RCSD1: variants seen among roughly 807,000 people sequenced by gnomAD.
RCSD1 encodes the protein capZ-interacting protein.
A neutral mutation model predicts 42.5 loss-of-function variants in RCSD1; 26 were observed. That is an observed-to-expected ratio of 0.61 (90% CI 0.45 to 0.85). The LOEUF (loss-of-function observed/expected upper bound fraction) is 0.85, where lower values mean the gene tolerates loss of function less well. Ranked by LOEUF, RCSD1 falls within the 40% of genes least tolerant of loss-of-function variation. RCSD1 has a pLI of 0.00. For missense variants in RCSD1, 571 were observed against 528.3 expected, an observed-to-expected ratio of 1.08 and a Z score of -0.79; for synonymous variants, 220 against 212.2, an observed-to-expected ratio of 1.04 and a Z score of -0.32.
intron 1 of RCSD1, among the ~76,000 whole-genome samples, chr1:167,673,892 A>G (rs1229350): frequency 0.81 from 123,339 of 152,160 alleles, 50,232 homozygotes; most frequent in Non-Finnish European, 0.87. Flanking sequence ...CTCTGCGTAA[A>G]CATCACTTCC....
At chr1:167,675,477 C>A (rs1237843884) in intron 1 of RCSD1, among the ~76,000 whole-genome samples, 2 of 152,216 alleles carry the variant, frequency 1.3e-5, no homozygotes, top group Non-Finnish European at 2.9e-5. Flanking sequence ...TCAATTACCT[C>A]CCACCTGGTC....
intron 3 of RCSD1, among the ~76,000 whole-genome samples, chr1:167,687,781 T>C (rs1404700061): frequency 6.6e-6 from 1 of 152,212 alleles, no homozygotes. Flanking sequence ...TCTGAGACAG[T>C]GGGGTCAGCC....
At chr1:167,652,531 C>G (rs887677954) in intron 1 of RCSD1, among the ~76,000 whole-genome samples, 1 of 152,216 alleles carries the variant, frequency 6.6e-6, no homozygotes, top group South Asian at 2.1e-4. Flanking sequence ...GACAGACCAA[C>G]AGTTGCTGCC....
chr1:167,698,921 TC>T (rs1659571811), intron 6 of RCSD1, among the ~76,000 whole-genome samples: 1 of 152,030 alleles, frequency 6.6e-6, no homozygotes, highest in African/African-American at 2.4e-5. Context: ...TGCCTCAGCC[TC>T]CCGAGTAGCT....
At chr1:167,663,751 G>C (rs1023906247) in intron 1 of RCSD1, 1 of 152,260 alleles carries the variant, frequency 6.6e-6, no homozygotes, top group African/African-American at 2.4e-5. Flanking sequence ...GCAACAGCCT[G>C]GTATCTCTAC....
chr1:167,630,341 CG>C lies in RCSD1; in HGVS notation c.-80del. 7.5e-7 allele frequency: 1 copy of C among 1,337,978 alleles called. No homozygotes were observed. The highest frequency in any genetic ancestry group is 2.3e-4 in the Middle Eastern group (1 of 4,372). 82.9% of individuals were successfully genotyped at this position (1,337,978 alleles called of 1,614,324 possible). A position where few individuals can be genotyped will look rare whatever the true frequency, so the allele number is the denominator to read the frequency against. ...GCCGCAGCCCGAAACTGGCCACGGC[CG>C]GGAGCGGAGGGGACAGCGGGGATCG... On this transcript the variant is annotated 5_prime_UTR_variant, in exon 1 of 7. Transcript: ENST00000367854.
chr1:167,656,859 C>A (rs911981890), intron 1 of RCSD1, among the ~76,000 whole-genome samples: 36 of 152,178 alleles, frequency 2.4e-4, no homozygotes, highest in African/African-American at 7.2e-4. Context: ...TCATTGCTCC[C>A]AAGAGTCAAG....
intron 4 of RCSD1, among the ~76,000 whole-genome samples, chr1:167,693,426 C>A (rs61808918): frequency 2.0e-5 from 3 of 152,300 alleles, no homozygotes; most frequent in Admixed American, 6.5e-5. Context: ...TCATTTTGAT[C>A]GGGTCACACC....
chr1:167,640,414 C>T (rs903390482), intron 1 of RCSD1: 1 of 152,214 alleles, frequency 6.6e-6, no homozygotes, highest in East Asian at 1.9e-4. Context: ...TTATAAGGAC[C>T]TGTGTCATTG....
At chr1:167,701,324 T>TTCTTTCTTTCTTTC in intron 6 of RCSD1, among the ~76,000 whole-genome samples, 1 of 84,412 alleles carries the variant, frequency 1.2e-5, no homozygotes. Flanking sequence ...TTCTTTTTTT[T>TTCTTTCTTTCTTTC]AGATGGAGTG....
chr1:167,634,658 T>C lies in RCSD1; in HGVS notation c.6+4229T>C, dbSNP rs142387935. ...GCCTGAGGGCACTTGAAAAAAAGTA[T>C]AATTTTCGCTGACTAAATCCTTTGT... On this transcript the variant is annotated intron_variant, in intron 1 of 6. Coordinates refer to ENST00000367854, the MANE Select transcript of RCSD1 (RefSeq NM_052862.4). Among the ~76,000 whole-genome samples the C allele has an allele frequency of 4.3e-3, 656 of 152,344 alleles. 3 individuals carry two copies. Among genetic ancestry groups the C allele is most frequent in the African/African-American group, 0.015 (611 of 41,576 alleles).
chr1:167,633,708 A>G (rs1341894414), intron 1 of RCSD1: 1 of 152,218 alleles, frequency 6.6e-6, no homozygotes, highest in Non-Finnish European at 1.5e-5. Flanking sequence ...CTCCATGGAC[A>G]GTAGGAAACT....
At chr1:167,686,595 A>G (rs1414992668) in intron 3 of RCSD1, among the ~76,000 whole-genome samples, 1 of 152,228 alleles carries the variant, frequency 6.6e-6, no homozygotes. Flanking sequence ...CCCACTGACC[A>G]AGGGTCTTAT....
At chr1:167,644,779 A>C (rs1056874615) in intron 1 of RCSD1, among the ~76,000 whole-genome samples, 3 of 152,196 alleles carry the variant, frequency 2.0e-5, no homozygotes, top group Non-Finnish European at 4.4e-5. Context: ...GAGACTGCTA[A>C]AACAGCTGCG....
intron 2 of RCSD1, 38 bp from the exon 3 acceptor site, chr1:167,685,383 C>T (rs1659201545): frequency 1.3e-6 from 2 of 1,571,088 alleles, no homozygotes; most frequent in Non-Finnish European, 1.7e-6. Context: ...TCAGTGCTCT[C>T]TTTTTCTCTG....
chr1:167,685,464 T>TCC lies in RCSD1; in HGVS notation c.156_157dup (p.Leu53ProfsTer7). ...ACCCGAAGGAAACCGCCCTGTTCCC[T>TCC]CCCCCTGTTCCCCCCCAAGGTAGAC... On this transcript the variant is annotated frameshift_variant, in exon 3 of 7. Transcript: ENST00000367854. LOFTEE classifies it high-confidence loss of function. 6.2e-7 allele frequency: 1 copy of TCC among 1,613,210 alleles called. No individual in the cohort carries two copies. The highest frequency in any genetic ancestry group is 8.5e-7 in the Non-Finnish European group (1 of 1,179,618).
intron 1 of RCSD1, among the ~76,000 whole-genome samples, chr1:167,682,639 C>A (rs1355696235): frequency 6.6e-6 from 1 of 151,252 alleles, no homozygotes; most frequent in African/African-American, 2.4e-5. Context: ...AGAGACACCA[C>A]TTTTAGCACA....
At chr1:167,703,806 C>G (rs992956706) in intron 6 of RCSD1, among the ~76,000 whole-genome samples, 2 of 152,214 alleles carry the variant, frequency 1.3e-5, no homozygotes, top group Admixed American at 1.3e-4. Flanking sequence ...CTCACCCACT[C>G]CCACAGCCTC....
At chr1:167,634,765 C>T (rs1657792711) in intron 1 of RCSD1, among the ~76,000 whole-genome samples, 1 of 152,136 alleles carries the variant, frequency 6.6e-6, no homozygotes, top group South Asian at 2.1e-4. Flanking sequence ...ATAAATGAAT[C>T]CTTTTCTCTG....
Sources: gnomAD v4.1 joint callset for allele counts (sites outside exome capture counted in the v4.1 genomes callset) on GRCh38, gnomAD v4.1.1 for gene constraint, MANE v1.5 for transcripts, NCBI Gene and HGNC (gene_info 2026-07-23, HGNC 2026-07-21) for gene names.